Variants in PLCL1 observed in about 807,000 individuals in gnomAD.
PLCL1 encodes the protein phospholipase C like 1 (inactive), also known as inactive phospholipase C-like protein 1.
PLCL1 carries 41 observed loss-of-function variants against 84.4 expected under a neutral mutation model. That is an observed-to-expected ratio of 0.49 (90% CI 0.38 to 0.63). PLCL1 has a LOEUF of 0.63. Among genes scored for constraint, PLCL1 ranks in the 30% least tolerant of loss-of-function variants. The pLI is 0.00. For missense variants in PLCL1, 1,206 were observed against 1,367.8 expected, an observed-to-expected ratio of 0.88 and a Z score of 1.87; for synonymous variants, 490 against 488.3, an observed-to-expected ratio of 1.00 and a Z score of -0.05.
intron 1 of PLCL1, among the ~76,000 whole-genome samples, chr2:197,962,265 C>T (rs988487840): frequency 6.6e-5 from 10 of 152,016 alleles, no homozygotes; most frequent in Admixed American, 6.6e-5. Flanking sequence ...TCACCACTTG[C>T]AGTTTGGGAC....
At chr2:197,892,102 C>T (rs1688040966) in intron 1 of PLCL1, among the ~76,000 whole-genome samples, 1 of 152,212 alleles carries the variant, frequency 6.6e-6, no homozygotes, top group South Asian at 2.1e-4. Context: ...AAATAACATC[C>T]TGTTTACTCA....
At chr2:197,956,155 C>G (rs757533915) in intron 1 of PLCL1, among the ~76,000 whole-genome samples, 1 of 152,122 alleles carries the variant, frequency 6.6e-6, no homozygotes, top group East Asian at 1.9e-4. Flanking sequence ...TGAACTCATT[C>G]TTTTTTATGG....
chr2:198,117,871 G>T (rs892436503), intron 5 of PLCL1, among the ~76,000 whole-genome samples: 2 of 151,886 alleles, frequency 1.3e-5, no homozygotes, highest in African/African-American at 4.8e-5. Flanking sequence ...GAGGGAAAAA[G>T]CCAGCAACTT....
chr2:198,091,611 C>T (rs1395727329), intron 3 of PLCL1, among the ~76,000 whole-genome samples: 1 of 151,420 alleles, frequency 6.6e-6, no homozygotes, highest in Non-Finnish European at 1.5e-5. Context: ...ACCTGGGAGG[C>T]GGAGGTTGCA....
rs771155430 is a variant in PLCL1 at position 198,084,738 on chromosome 2, C to T, written c.1221C>T (p.Tyr407=). 6.2e-7 allele frequency: 1 copy of T among 1,614,108 alleles called. No individual in the cohort carries two copies. Among genetic ancestry groups the T allele is most frequent in the Non-Finnish European group, 8.5e-7 (1 of 1,179,992 alleles). ...ATATGACCCAGCCATTATCTCACTA[C>T]TATATCAATGCCTCTCATAACACCT... The part of the protein sequence containing the change: ...AQDMTQPLSH[Y]YINASHNTYL... The change falls in exon 2 of 6, where the codon TAC becomes TAT. Residue 407 remains tyrosine, a synonymous_variant. Coordinates refer to ENST00000428675, the MANE Select transcript of PLCL1 (RefSeq NM_006226.4).
intron 1 of PLCL1, among the ~76,000 whole-genome samples, chr2:198,037,746 C>T (rs1324195630): frequency 6.6e-6 from 1 of 152,098 alleles, no homozygotes; most frequent in African/African-American, 2.4e-5. Flanking sequence ...TTAAATATTA[C>T]ATAATCCCGT....
In PLCL1 at chr2:197,864,684, G is replaced by A. The variant is rs529053463; in HGVS notation, c.240+59345G>A. On this transcript the variant is annotated intron_variant, in intron 1 of 5. Coordinates refer to ENST00000428675, the MANE Select transcript of PLCL1 (RefSeq NM_006226.4). The stretch of plus-strand genomic sequence containing the variant: ...AGATGGGGTTTCACCATGTTGCCCC[G>A]GCTGGCCTTGAACTCATGGGCTCAA... Among the ~76,000 whole-genome samples, 113 of 152,044 alleles carry A rather than the reference G, an allele frequency of 7.4e-4. 1 individual carries two copies. The highest frequency in any genetic ancestry group is 2.7e-3 in the African/African-American group (111 of 41,486).
intron 1 of PLCL1, among the ~76,000 whole-genome samples, chr2:197,821,744 G>T (rs946482396): frequency 2.0e-5 from 3 of 152,128 alleles, no homozygotes; most frequent in African/African-American, 4.8e-5. Context: ...TGCAAAGAAG[G>T]CTGGAAAATG....
At chr2:197,897,171 CTTCTTCTTCTT>C (rs1688160189) in intron 1 of PLCL1, among the ~76,000 whole-genome samples, 1 of 30,978 alleles carries the variant, frequency 3.2e-5, no homozygotes, top group African/African-American at 2.3e-4. Context: ...TCTTCTTCTT[CTTCTTCTTCTT>C]CTTCTTCTCC....
intron 1 of PLCL1, among the ~76,000 whole-genome samples, chr2:197,832,548 T>G (rs964287512): frequency 6.6e-6 from 1 of 152,160 alleles, no homozygotes; most frequent in African/African-American, 2.4e-5. Flanking sequence ...ACCAGACAGA[T>G]TCACAGCCAA....
At chr2:198,107,092 G>A (rs1693493837) in intron 5 of PLCL1, among the ~76,000 whole-genome samples, 1 of 151,856 alleles carries the variant, frequency 6.6e-6, no homozygotes, top group African/African-American at 2.4e-5. Context: ...AGCATGGCTG[G>A]GAGGGCCACA....
rs1049314016 is a variant in PLCL1, at chr2:198,013,120, T to G, written c.241-70638T>G. On this transcript the variant is annotated intron_variant, in intron 1 of 5. Coordinates refer to ENST00000428675, the MANE Select transcript of PLCL1 (RefSeq NM_006226.4). ...TACCAGATTTATAAGTGTTAATTTT[T>G]CTAGCAGGCTTTGATATGGTTGGCT... 5.9e-5 allele frequency among the ~76,000 whole-genome samples: 9 copies of G among 152,246 alleles called. No individual in the cohort carries two copies. The East Asian group carries it at 1.3e-3, about 23-fold the overall frequency.
At chr2:197,938,074 C>T (rs926432337) in intron 1 of PLCL1, among the ~76,000 whole-genome samples, 18 of 152,150 alleles carry the variant, frequency 1.2e-4, no homozygotes, top group African/African-American at 4.3e-4. Context: ...TCACAGATAT[C>T]TTACATTTTA....
chr2:197,899,927 G>A (rs576507309), intron 1 of PLCL1, among the ~76,000 whole-genome samples: 1 of 152,190 alleles, frequency 6.6e-6, no homozygotes, highest in Non-Finnish European at 1.5e-5. Context: ...GAGCCACCGC[G>A]CCCGGCCCAC....
chr2:198,104,105 G>T (rs185658821), intron 5 of PLCL1, among the ~76,000 whole-genome samples, 169 bp downstream of exon 5: 1 of 151,778 alleles, frequency 6.6e-6, no homozygotes, highest in South Asian at 2.1e-4. Flanking sequence ...TGTGTGTCGC[G>T]GGGGGCTGGA....
At chr2:198,126,854 G>A (rs1693998982) in intron 5 of PLCL1, among the ~76,000 whole-genome samples, 3 of 151,746 alleles carry the variant, frequency 2.0e-5, no homozygotes, top group Non-Finnish European at 4.4e-5. Context: ...AGTGAGACAT[G>A]ATTGCACCTC....
At chr2:198,101,507 A>G (rs1233013382) in intron 4 of PLCL1, 147 bp downstream of exon 4, 2 of 599,748 alleles carry the variant, frequency 3.3e-6, no homozygotes, top group Non-Finnish European at 5.8e-6. Context: ...ACTTTAAGTT[A>G]CACTTTAGTC....
chr2:198,140,732 C>G (rs1027494684), intron 5 of PLCL1, among the ~76,000 whole-genome samples: 10 of 152,010 alleles, frequency 6.6e-5, no homozygotes, highest in African/African-American at 2.4e-4. Context: ...TTTCTGTGGA[C>G]CCTTTGGCAT....
intron 1 of PLCL1, among the ~76,000 whole-genome samples, chr2:197,912,186 T>C (rs1688495640): frequency 6.6e-6 from 1 of 151,932 alleles, no homozygotes; most frequent in Non-Finnish European, 1.5e-5. Context: ...AAAAAACACA[T>C]GAAAAAATGC....
Sources: gnomAD v4.1 joint callset for allele counts (sites outside exome capture counted in the v4.1 genomes callset) on GRCh38, gnomAD v4.1.1 for gene constraint, MANE v1.5 for transcripts, NCBI Gene and HGNC (gene_info 2026-07-23, HGNC 2026-07-21) for gene names.